Variants in LDLRAD4 observed in about 807,000 individuals in gnomAD.
LDLRAD4 encodes the protein low density lipoprotein receptor class A domain containing 4.
A neutral mutation model predicts 17.0 loss-of-function variants in LDLRAD4; 5 were observed. That is an observed-to-expected ratio of 0.29 (90% CI 0.15 to 0.62). LDLRAD4 has a LOEUF of 0.62. LDLRAD4 is among the 20% of genes least tolerant of loss of function. LDLRAD4 has a pLI of 0.84. For missense variants in LDLRAD4, 340 were observed against 424.7 expected, an observed-to-expected ratio of 0.80 and a Z score of 1.75; for synonymous variants, 168 against 171.8, an observed-to-expected ratio of 0.98 and a Z score of 0.17.
intron 1 of LDLRAD4, among the ~76,000 whole-genome samples, chr18:13,335,606 T>C (rs962797841): frequency 6.6e-6 from 1 of 152,248 alleles, no homozygotes; most frequent in East Asian, 1.9e-4. Flanking sequence ...TTGCCAGTTC[T>C]TTTGCTTTTA....
intron 3 of LDLRAD4, chr18:13,615,568 C>T (rs1339637576): frequency 6.6e-6 from 1 of 152,258 alleles, no homozygotes; most frequent in Non-Finnish European, 1.5e-5. Context: ...AGACTTCACA[C>T]CACTTCTTCT....
chr18:13,543,067 GA>G (rs1253146760), intron 3 of LDLRAD4: 1 of 152,184 alleles, frequency 6.6e-6, no homozygotes, highest in Non-Finnish European at 1.5e-5. Flanking sequence ...TGGCTCTTCG[GA>G]AGGTAATTTA....
At chr18:13,455,993 C>T (rs1202584666) in intron 3 of LDLRAD4, among the ~76,000 whole-genome samples, 1 of 152,130 alleles carries the variant, frequency 6.6e-6, no homozygotes, top group African/African-American at 2.4e-5. Context: ...GGAGCGCCCG[C>T]CATGTCCCGC....
chr18:13,305,270 T>C (rs756900023), intron 1 of LDLRAD4, among the ~76,000 whole-genome samples: 3 of 152,168 alleles, frequency 2.0e-5, no homozygotes, highest in Non-Finnish European at 4.4e-5. Context: ...CCATTTGCAG[T>C]CGAGAAATGT....
chr18:13,457,100 CG>C (rs1345984360), intron 3 of LDLRAD4, among the ~76,000 whole-genome samples: 1 of 152,228 alleles, frequency 6.6e-6, no homozygotes, highest in African/African-American at 2.4e-5. Flanking sequence ...CTCCACAGGC[CG>C]GGGGGTCAGT....
chr18:13,508,150 G>C (rs913366445), intron 3 of LDLRAD4, among the ~76,000 whole-genome samples: 2 of 152,218 alleles, frequency 1.3e-5, no homozygotes, highest in Non-Finnish European at 2.9e-5. Flanking sequence ...GCCTAATCCA[G>C]AGCAAGATCC....
At chr18:13,551,634 A>C (rs1167572135) in intron 3 of LDLRAD4, among the ~76,000 whole-genome samples, 1 of 151,998 alleles carries the variant, frequency 6.6e-6, no homozygotes, top group Non-Finnish European at 1.5e-5. Flanking sequence ...GTGGGGTAGG[A>C]GGGCGGCCAA....
At chr18:13,646,276 T>C (rs866162409) in exon 6 of LDLRAD4, 4 of 152,802 alleles carry the variant, frequency 2.6e-5, no homozygotes, top group Middle Eastern at 3.4e-3. Flanking sequence ...AAGGGAACTG[T>C]TTTACGTGAA....
chr18:13,255,239 G>A (rs1335644418), intron 1 of LDLRAD4, among the ~76,000 whole-genome samples: 1 of 152,146 alleles, frequency 6.6e-6, no homozygotes, highest in East Asian at 1.9e-4. Context: ...GGTGCTGTTG[G>A]ATACACAGTG....
intron 3 of LDLRAD4, chr18:13,616,155 C>T (rs1300578033): frequency 6.6e-6 from 1 of 152,130 alleles, no homozygotes; most frequent in African/African-American, 2.4e-5. Flanking sequence ...CTCCACGCAC[C>T]ACAGCCACCT....
chr18:13,586,571 A>G (rs1164051850), intron 3 of LDLRAD4, among the ~76,000 whole-genome samples: 5 of 151,916 alleles, frequency 3.3e-5, no homozygotes, highest in Admixed American at 1.3e-4. Flanking sequence ...ATCCATATAT[A>G]CAAGGATCTC....
intron 1 of LDLRAD4, among the ~76,000 whole-genome samples, chr18:13,272,801 T>C (rs1327423148): frequency 1.3e-5 from 2 of 152,174 alleles, no homozygotes; most frequent in Non-Finnish European, 2.9e-5. Context: ...CTCCTGTTGC[T>C]CTTGACTGGG....
intron 4 of LDLRAD4, among the ~76,000 whole-genome samples, chr18:13,630,779 C>T (rs1479057945): frequency 2.0e-5 from 3 of 152,204 alleles, no homozygotes; most frequent in South Asian, 4.1e-4. Context: ...ACAAAAGCCT[C>T]CTATAATGCA....
At chr18:13,229,695 T>TCCTTCGCTCCCTC (rs1482374150) in intron 1 of LDLRAD4, among the ~76,000 whole-genome samples, 1 of 152,220 alleles carries the variant, frequency 6.6e-6, no homozygotes, top group African/African-American at 2.4e-5. Context: ...CTCTGACGCT[T>TCCTTCGCTCCCTC]CCTTCGCTCC....
chr18:13,424,914 T>C (rs1479432142), intron 2 of LDLRAD4, among the ~76,000 whole-genome samples: 1 of 152,190 alleles, frequency 6.6e-6, no homozygotes, highest in Admixed American at 6.5e-5. Context: ...TAATACGGAC[T>C]ATGTCCTGGA....
At chr18:13,453,829 G>A (rs964860971) in intron 3 of LDLRAD4, among the ~76,000 whole-genome samples, 3 of 152,186 alleles carry the variant, frequency 2.0e-5, no homozygotes, top group Non-Finnish European at 2.9e-5. Flanking sequence ...TGTGTAATCT[G>A]TTCAGTGGGG....
chr18:13,369,045 C>G (rs777885138), intron 1 of LDLRAD4, among the ~76,000 whole-genome samples: 1 of 152,174 alleles, frequency 6.6e-6, no homozygotes, highest in Admixed American at 6.5e-5. Flanking sequence ...AGTCATTGTC[C>G]GTGTGTGTCA....
Position 13,313,629 on chromosome 18 carries a change from G to A in LDLRAD4, c.-383+35441G>A, listed in dbSNP as rs145123669. Among the ~76,000 whole-genome samples the A allele has an allele frequency of 6.1e-3, 928 of 152,334 alleles. 5 individuals are homozygous for A. Among genetic ancestry groups the A allele is most frequent in the Non-Finnish European group, 0.011 (716 of 68,030 alleles). ...TCAAGTTAGGCTTCTTGGCCCTTAC[G>A]TGTGGATGTCATTTGAACAAGAACG... On this transcript the variant is annotated intron_variant, in intron 1 of 5. Coordinates refer to ENST00000359446, the Ensembl canonical transcript of LDLRAD4.
intron 3 of LDLRAD4, among the ~76,000 whole-genome samples, chr18:13,548,506 A>G (rs1025010917): frequency 6.6e-6 from 1 of 152,228 alleles, no homozygotes; most frequent in Non-Finnish European, 1.5e-5. Context: ...TGCCACTCCA[A>G]GTATGTGCAC....
Sources: gnomAD v4.1 joint callset for allele counts (sites outside exome capture counted in the v4.1 genomes callset) on GRCh38, gnomAD v4.1.1 for gene constraint, MANE v1.5 for transcripts, NCBI Gene and HGNC (gene_info 2026-07-23, HGNC 2026-07-21) for gene names.